The following PTPRG variants were observed in gnomAD, a reference collection of about 807,000 sequenced individuals.
PTPRG encodes the protein receptor-type tyrosine-protein phosphatase gamma.
A neutral mutation model predicts 165.3 loss-of-function variants in PTPRG; 102 were observed. That is an observed-to-expected ratio of 0.62 (90% CI 0.53 to 0.73). The LOEUF (loss-of-function observed/expected upper bound fraction) is 0.73, where lower values mean the gene tolerates loss of function less well. PTPRG is among the 30% of genes least tolerant of loss of function. The pLI is 0.00. For synonymous variants in PTPRG, 675 were observed against 669.5 expected (o/e 1.01, Z -0.13); for missense variants, 1,866 against 1,861.4 (o/e 1.00, Z -0.05).
At chr3:61,799,866 G>A (rs532250024) in intron 2 of PTPRG, among the ~76,000 whole-genome samples, 22 of 152,266 alleles carry the variant, frequency 1.4e-4, no homozygotes, top group Non-Finnish European at 3.1e-4. Context: ...AACAGTAAGT[G>A]TATTTATTTT....
intron 2 of PTPRG, among the ~76,000 whole-genome samples, chr3:61,886,892 T>C (rs896899670): frequency 1.3e-5 from 2 of 151,692 alleles, no homozygotes; most frequent in African/African-American, 4.8e-5. Context: ...TGTTAGAGAA[T>C]TGATCAGAAG....
intron 2 of PTPRG, among the ~76,000 whole-genome samples, chr3:61,893,560 C>A (rs191490297): frequency 3.5e-4 from 54 of 152,304 alleles, no homozygotes; most frequent in Non-Finnish European, 2.9e-5. Flanking sequence ...TTGGATGGCT[C>A]ATACAAAAAT....
chr3:61,796,761 A>G (rs1252934204), intron 2 of PTPRG, among the ~76,000 whole-genome samples: 1 of 152,036 alleles, frequency 6.6e-6, no homozygotes, highest in African/African-American at 2.4e-5. Context: ...ATATGTTTAT[A>G]TTGTTGCTGT....
At chr3:61,736,900 C>CT (rs1413735342) in intron 1 of PTPRG, among the ~76,000 whole-genome samples, 3 of 152,222 alleles carry the variant, frequency 2.0e-5, no homozygotes, top group Non-Finnish European at 4.4e-5. Context: ...AATAACGCTG[C>CT]TTTAAAGGAA....
rs1704812630 is a variant in PTPRG at position 62,162,660 on chromosome 3, C to T, written c.841-5311C>T. 2.0e-5 allele frequency among the ~76,000 whole-genome samples: 3 copies of T among 152,304 alleles called. No homozygotes were observed. In the South Asian group the frequency reaches 6.2e-4, roughly 32 times the overall value. ...GATGAAGATAGATAGATGTATGTTG[C>T]TGATGCAGGGTGCCCTGTGTGGAAT... On this transcript the variant is annotated intron_variant, in intron 7 of 29. Transcript: ENST00000474889.
intron 2 of PTPRG, among the ~76,000 whole-genome samples, chr3:61,813,006 C>T (rs1423607634): frequency 2.0e-5 from 3 of 152,154 alleles, no homozygotes; most frequent in Non-Finnish European, 4.4e-5. Flanking sequence ...GCAAAGAATA[C>T]TTGTGTAGAT....
At chr3:62,162,143 C>T (rs768836946) in intron 7 of PTPRG, among the ~76,000 whole-genome samples, 5 of 150,890 alleles carry the variant, frequency 3.3e-5, no homozygotes, top group Non-Finnish European at 7.4e-5. Flanking sequence ...TCGCTACACA[C>T]GAAGGGCATG....
At chr3:62,124,946 A>G (rs1189971018) in intron 5 of PTPRG, among the ~76,000 whole-genome samples, 5 of 152,142 alleles carry the variant, frequency 3.3e-5, no homozygotes, top group African/African-American at 7.2e-5. Flanking sequence ...AGGTGATTAC[A>G]TAAGGGTCTG....
intron 2 of PTPRG, among the ~76,000 whole-genome samples, chr3:61,819,512 A>G (rs1197019564): frequency 6.6e-6 from 1 of 152,186 alleles, no homozygotes; most frequent in South Asian, 2.1e-4. Context: ...TCTAGGCAAT[A>G]ATTATCAATG....
At chr3:61,792,017 A>G (rs896535243) in intron 2 of PTPRG, among the ~76,000 whole-genome samples, 1 of 152,192 alleles carries the variant, frequency 6.6e-6, no homozygotes, top group African/African-American at 2.4e-5. Flanking sequence ...CTTTAGTTCT[A>G]GACACTGGAA....
chr3:61,761,477 C>T lies in PTPRG; in HGVS notation c.190+12495C>T, dbSNP rs1359978661. Among the ~76,000 whole-genome samples the T allele has an allele frequency of 3.3e-5, 5 of 152,180 alleles. No homozygotes were observed. In the East Asian group the frequency reaches 5.8e-4, roughly 18 times the overall value. ...ACCTGTAACCCAGCTACTTGGGAGG[C>T]TGAAGCAGGAGAATCGCTTGAACCC... is the stretch of plus-strand genomic sequence containing the variant. On this transcript the variant is annotated intron_variant, in intron 2 of 29. Coordinates refer to ENST00000474889, the MANE Select transcript of PTPRG (RefSeq NM_002841.4).
At chr3:62,152,025 G>C (rs1379841087) in intron 6 of PTPRG, among the ~76,000 whole-genome samples, 1 of 151,966 alleles carries the variant, frequency 6.6e-6, no homozygotes, top group East Asian at 1.9e-4. Flanking sequence ...CATATCCAGG[G>C]GACCTAGCTC....
At chr3:62,135,933 G>A (rs1703693179) in intron 6 of PTPRG, among the ~76,000 whole-genome samples, 1 of 152,192 alleles carries the variant, frequency 6.6e-6, no homozygotes, top group South Asian at 2.1e-4. Flanking sequence ...ACCATGTGTT[G>A]TCATTGGCTG....
intron 2 of PTPRG, chr3:61,749,291 T>C: frequency 2.4e-6 from 1 of 410,606 alleles, no homozygotes; most frequent in Non-Finnish European, 4.6e-6. Flanking sequence ...TTCTGTTTTT[T>C]CAGGGGCTGT....
Position 62,294,837 on chromosome 3 carries a change from C to A in PTPRG, c.*1530C>A, listed in dbSNP as rs779780564. ...ATGTCAATTAACTTCAACAAAAAGG[C>A]CACGCTGGCTGCTGTCATGCCATCT... On this transcript the variant is annotated 3_prime_UTR_variant, in exon 30 of 30. Coordinates refer to ENST00000474889, the MANE Select transcript of PTPRG (RefSeq NM_002841.4). The A allele has an allele frequency of 2.0e-5, 3 of 152,062 alleles. No homozygotes were observed. Among genetic ancestry groups the A allele is most frequent in the Non-Finnish European group, 2.9e-5 (2 of 68,004 alleles). 9.4% of individuals were successfully genotyped at this position (152,062 alleles called of 1,614,324 possible).
chr3:62,018,738 G>C (rs1415326485), intron 4 of PTPRG, among the ~76,000 whole-genome samples: 1 of 152,212 alleles, frequency 6.6e-6, no homozygotes, highest in Non-Finnish European at 1.5e-5. Context: ...GGTCAACTCT[G>C]ATAGGACAAA....
chr3:61,674,486 CAAAAAAAA>C (rs58334791), intron 1 of PTPRG, among the ~76,000 whole-genome samples: 1 of 57,986 alleles, frequency 1.7e-5, no homozygotes, highest in Non-Finnish European at 2.9e-5. Flanking sequence ...GACTCCATCT[CAAAAAAAA>C]AAAAAAAAAA....
intron 5 of PTPRG, among the ~76,000 whole-genome samples, chr3:62,114,795 C>T (rs971668633): frequency 1.2e-4 from 18 of 152,032 alleles, no homozygotes; most frequent in African/African-American, 4.4e-4. Flanking sequence ...GTGCATGCCA[C>T]CTTGCCCTAC....
chr3:61,980,873 C>T (rs1211926758), intron 2 of PTPRG, among the ~76,000 whole-genome samples: 3 of 152,174 alleles, frequency 2.0e-5, no homozygotes. Flanking sequence ...CTTCCTTCTT[C>T]ATTCACATTC....
Sources: allele counts gnomAD v4.1 joint callset (sites outside exome capture counted in the v4.1 genomes callset), GRCh38; gene constraint gnomAD v4.1.1; transcripts MANE v1.5; gene names NCBI Gene and HGNC (gene_info 2026-07-23, HGNC 2026-07-21).